DMC1: variants seen among roughly 807,000 people sequenced by gnomAD.
DMC1 encodes meiotic recombination protein DMC1 homolog.
In DMC1, 27 loss-of-function variants were observed where a neutral mutation model predicts 50.1. The ratio of observed to expected loss-of-function variants is 0.54; its 90% CI spans 0.40 to 0.74. The LOEUF is 0.74. DMC1 is among the 30% of genes least tolerant of loss of function. The pLI is 0.00. For missense variants in DMC1, 295 were observed against 420.2 expected (o/e 0.70, Z 2.60); for synonymous variants, 148 against 136.1 (o/e 1.09, Z -0.61).
intron 5 of DMC1, among the ~76,000 whole-genome samples, chr22:38,557,742 T>C: frequency 6.6e-6 from 1 of 152,148 alleles, no homozygotes; most frequent in East Asian, 1.9e-4. Context: ...TTTTAACGTT[T>C]AAGATAATTT....
intron 13 of DMC1, 25 bp downstream of exon 13, chr22:38,521,583 A>AC (rs774859661): frequency 2.1e-6 from 3 of 1,399,074 alleles, no homozygotes; most frequent in East Asian, 2.3e-5. Flanking sequence ...ACACACACAC[A>AC]CACACAAAAT....
downstream of DMC1, among the ~76,000 whole-genome samples, chr22:38,516,699 A>C (rs1045824909): frequency 2.6e-5 from 4 of 151,956 alleles, no homozygotes; most frequent in African/African-American, 9.7e-5. Flanking sequence ...ATCACTGGGG[A>C]ATGTGGGGGT....
At chr22:38,529,319 T>C (rs1265348495) in intron 12 of DMC1, among the ~76,000 whole-genome samples, 1 of 152,154 alleles carries the variant, frequency 6.6e-6, no homozygotes, top group Non-Finnish European at 1.5e-5. Flanking sequence ...AATTTTCTTC[T>C]ATTTCTGACC....
At chr22:38,521,407 C>T (rs946020935) in intron 13 of DMC1, among the ~76,000 whole-genome samples, 2 of 151,950 alleles carry the variant, frequency 1.3e-5, no homozygotes, top group Non-Finnish European at 2.9e-5. Context: ...CACACAGCAT[C>T]TGGCAGTAAT....
chr22:38,525,017 C>A (rs905958746), intron 12 of DMC1, among the ~76,000 whole-genome samples: 1 of 152,088 alleles, frequency 6.6e-6, no homozygotes, highest in African/African-American at 2.4e-5. Flanking sequence ...GCTGAGATCG[C>A]ACCATTGCAC....
rs575737903 is a variant in DMC1 at position 38,531,002 on chromosome 22, G to A, written c.836+6590C>T. Among the ~76,000 whole-genome samples the A allele has an allele frequency of 4.6e-5, 7 of 152,232 alleles. No homozygotes were observed. In the South Asian group the frequency reaches 1.0e-3, roughly 23 times the overall value. On this transcript the variant is annotated intron_variant, in intron 12 of 13. Coordinates refer to ENST00000216024, the MANE Select transcript of DMC1 (RefSeq NM_007068.4). ...GGAGAATCTCTTGAACCTGGGAGGC[G>A]GAGGTTGCAGTGAGCCAAGATCATG...
At chr22:38,567,872 C>G (rs920214605) in intron 2 of DMC1, among the ~76,000 whole-genome samples, 2 of 152,194 alleles carry the variant, frequency 1.3e-5, no homozygotes, top group African/African-American at 4.8e-5. Context: ...ACCCAAAGGA[C>G]TGGAACAACA....
At chr22:38,517,441 C>T (rs970174963), downstream of DMC1, among the ~76,000 whole-genome samples, 1 of 151,886 alleles carries the variant, frequency 6.6e-6, no homozygotes, top group African/African-American at 2.4e-5. Context: ...TTGTGGTGGG[C>T]GCCTGTAATC....
the DMC1 span, among the ~76,000 whole-genome samples, chr22:38,511,905 C>T: frequency 1.3e-5 from 2 of 152,182 alleles, no homozygotes; most frequent in Non-Finnish European, 2.9e-5. Context: ...GGTAGGGCTG[C>T]TTTACAGGAG....
At chr22:38,529,711 C>T (rs537663196) in intron 12 of DMC1, among the ~76,000 whole-genome samples, 32 of 152,288 alleles carry the variant, frequency 2.1e-4, no homozygotes, top group African/African-American at 6.5e-4. Context: ...CAAATCCTGG[C>T]TCACACATTT....
At chr22:38,538,098 C>G (rs543397170) in intron 11 of DMC1, among the ~76,000 whole-genome samples, 197 bp downstream of exon 11, 6 of 151,764 alleles carry the variant, frequency 4.0e-5, no homozygotes, top group Non-Finnish European at 7.4e-5. Context: ...GAGCCGAGAT[C>G]GCACCACTGC....
intron 13 of DMC1, 64 bp downstream of exon 13, chr22:38,521,538 TACACAC>T (rs111317680): frequency 0.082 from 52,263 of 639,606 alleles, 713 homozygotes; most frequent in South Asian, 0.1. Flanking sequence ...ACCCCGTCTC[TACACAC>T]ACACACACAC....
intron 7 of DMC1, among the ~76,000 whole-genome samples, chr22:38,552,095 T>A (rs1355074090): frequency 1.3e-5 from 2 of 151,150 alleles, no homozygotes; most frequent in African/African-American, 4.9e-5. Context: ...TCTCCTGACC[T>A]TGTGATCCGC....
downstream of DMC1, among the ~76,000 whole-genome samples, chr22:38,515,627 C>T (rs1473565487): frequency 2.6e-5 from 4 of 151,942 alleles, no homozygotes; most frequent in Non-Finnish European, 4.4e-5. Flanking sequence ...GGTGAAACCT[C>T]GTCTCTACTA....
chr22:38,539,046 A>C (rs2090250668), intron 9 of DMC1, among the ~76,000 whole-genome samples: 1 of 152,096 alleles, frequency 6.6e-6, no homozygotes, highest in African/African-American at 2.4e-5. Context: ...AAAAAAAAAA[A>C]AAAATTATTG....
intron 4 of DMC1, among the ~76,000 whole-genome samples, chr22:38,563,915 T>C (rs2090555211): frequency 6.6e-6 from 1 of 152,174 alleles, no homozygotes; most frequent in African/African-American, 2.4e-5. Flanking sequence ...TTAGCCAGGA[T>C]GGTCTCGATC....
At chr22:38,536,489 G>A (rs1354216367) in intron 12 of DMC1, among the ~76,000 whole-genome samples, 1 of 152,076 alleles carries the variant, frequency 6.6e-6, no homozygotes, top group Non-Finnish European at 1.5e-5. Context: ...ATAGTTATGT[G>A]CACAAACACT....
At chr22:38,537,514 G>T in intron 12 of DMC1, 78 bp downstream of exon 12, 2 of 1,405,938 alleles carry the variant, frequency 1.4e-6, no homozygotes, top group South Asian at 1.2e-5. Context: ...GCCCGGCCTT[G>T]AAATTATTTT....
intron 10 of DMC1, 41 bp downstream of exon 10, chr22:38,538,498 T>C (rs764582783): frequency 2.2e-5 from 36 of 1,606,788 alleles, no homozygotes; most frequent in Middle Eastern, 3.3e-4. Flanking sequence ...AAAAATATTA[T>C]GCTAAATAGC....
Sources: allele counts gnomAD v4.1 joint callset (sites outside exome capture counted in the v4.1 genomes callset), GRCh38; gene constraint gnomAD v4.1.1; transcripts MANE v1.5; gene names NCBI Gene and HGNC (gene_info 2026-07-23, HGNC 2026-07-21).